ENC1: variants seen among roughly 807,000 people sequenced by gnomAD.
ENC1 encodes ectodermal-neural cortex 1.
ENC1 carries 19 observed loss-of-function variants against 40.9 expected under a neutral mutation model. That is an observed-to-expected ratio of 0.46 (90% CI 0.32 to 0.68). The LOEUF (loss-of-function observed/expected upper bound fraction) is 0.68. Ranked by LOEUF, ENC1 falls within the 30% of genes least tolerant of loss-of-function variation. The pLI, the probability that ENC1 is intolerant of heterozygous loss-of-function variation, is 0.03. For synonymous variants in ENC1, 285 were observed against 291.1 expected (o/e 0.98, Z 0.21); for missense variants, 479 against 737.5 (o/e 0.65, Z 4.06).
At chr5:74,640,031 A>G (rs1747788630) in intron 1 of ENC1, 2 of 152,234 alleles carry the variant, frequency 1.3e-5, no homozygotes, top group South Asian at 2.1e-4. Context: ...CTGTATCCTT[A>G]GCTCGGCTCC....
At chr5:74,639,491 A>G (rs1272577108) in intron 1 of ENC1, among the ~76,000 whole-genome samples, 2 of 152,218 alleles carry the variant, frequency 1.3e-5, no homozygotes, top group Non-Finnish European at 2.9e-5. Context: ...CTCTGCCTCC[A>G]ATGCTTAGCG....
intron 1 of ENC1, chr5:74,639,959 A>T (rs1747783257): frequency 6.6e-6 from 1 of 152,018 alleles, no homozygotes; most frequent in South Asian, 2.1e-4. Flanking sequence ...GGCTGCGGGG[A>T]GCGACGCAGC....
chr5:74,631,637 A>G (rs536536479), intron 2 of ENC1, among the ~76,000 whole-genome samples: 3 of 152,166 alleles, frequency 2.0e-5, no homozygotes, highest in Non-Finnish European at 4.4e-5. Flanking sequence ...TTTAGTTTTC[A>G]TGTGCTTGAC....
chr5:74,628,824 T>TAATA lies in ENC1; in HGVS notation c.*1197_*1200dup, dbSNP rs1377683244. ...TGGTTATGGCAAAGCATTCTTAGGG[T>TAATA]AATAAATAAATAAATAAACTTTGGA... On this transcript the variant is annotated 3_prime_UTR_variant, in exon 3 of 3. Transcript: ENST00000302351. 6.6e-6 allele frequency: 1 copy of TAATA among 152,100 alleles called. No homozygotes were observed. The highest frequency in any genetic ancestry group is 2.4e-5 in the African/African-American group (1 of 41,414). The allele number at this position is 152,100 out of a possible 1,614,324, so 9.4% of individuals were successfully genotyped here. A position where few individuals can be genotyped will look rare whatever the true frequency, so the allele number is the denominator to read the frequency against.
chr5:74,628,396 C>T lies in ENC1; in HGVS notation c.*1629G>A, dbSNP rs1319908349. The T allele has an allele frequency of 6.6e-6, 1 of 152,618 alleles. No individual in the cohort carries two copies. Among genetic ancestry groups the T allele is most frequent in the African/African-American group, 2.4e-5 (1 of 41,436 alleles). 9.5% of individuals were successfully genotyped at this position (152,618 alleles called of 1,614,324 possible). On this transcript the variant is annotated 3_prime_UTR_variant, in exon 3 of 3. Coordinates refer to ENST00000302351, the MANE Select transcript of ENC1 (RefSeq NM_003633.4). The stretch of plus-strand genomic sequence containing the variant: ...GTGAGAAACATGGACGAAAGCAGTT[C>T]GAGTTGCAAACTTTGGTCTTCCCCT...
At chr5:74,632,632 T>C (rs1181108905) in intron 2 of ENC1, among the ~76,000 whole-genome samples, 1 of 152,136 alleles carries the variant, frequency 6.6e-6, no homozygotes, top group Non-Finnish European at 1.5e-5. Context: ...GATGGGTGGA[T>C]CACTTGAGGT....
intron 2 of ENC1, among the ~76,000 whole-genome samples, chr5:74,630,985 C>T (rs1181062412): frequency 6.6e-6 from 1 of 152,134 alleles, no homozygotes; most frequent in East Asian, 1.9e-4. Flanking sequence ...TCAAGGCATG[C>T]CTTAGACTAC....
At chr5:74,634,649 A>T in intron 2 of ENC1, 35 bp downstream of exon 2, 1 of 990,096 alleles carries the variant, frequency 1.0e-6, no homozygotes, top group Non-Finnish European at 1.5e-6. Context: ...TAGCCTAATT[A>T]TATGCATACT....
chr5:74,634,138 G>A (rs1747487886), intron 2 of ENC1, among the ~76,000 whole-genome samples: 1 of 152,184 alleles, frequency 6.6e-6, no homozygotes, highest in Admixed American at 6.5e-5. Context: ...TCAGGGCCGG[G>A]TGCGGTGGCT....
chr5:74,639,868 G>C (rs1747774449), intron 1 of ENC1, among the ~76,000 whole-genome samples: 2 of 152,206 alleles, frequency 1.3e-5, no homozygotes. Flanking sequence ...CGCACTCAGG[G>C]TGTCTGTGCA....
In ENC1 at chr5:74,629,617, A is replaced by G. The variant is rs1319986674; in HGVS notation, c.*408T>C. 1 of 152,206 alleles carries G rather than the reference A, an allele frequency of 6.6e-6. No individual in the cohort carries two copies. The highest frequency in any genetic ancestry group is 2.4e-5 in the African/African-American group (1 of 41,448). The allele number at this position is 152,206 out of a possible 1,614,324, so 9.4% of individuals were successfully genotyped here. The stretch of plus-strand genomic sequence containing the variant: ...TGGAGGCTTCAAGCTCTGTCCTCAG[A>G]GAGAGGTGACAACCATTTCAAATTC... On this transcript the variant is annotated 3_prime_UTR_variant, in exon 3 of 3. Coordinates refer to ENST00000302351, the MANE Select transcript of ENC1 (RefSeq NM_003633.4).
At chr5:74,632,787 G>T (rs1054555197) in intron 2 of ENC1, among the ~76,000 whole-genome samples, 1 of 152,198 alleles carries the variant, frequency 6.6e-6, no homozygotes, top group Non-Finnish European at 1.5e-5. Flanking sequence ...GGAGGCGGAG[G>T]TTGCAGCGAG....
intron 2 of ENC1, among the ~76,000 whole-genome samples, chr5:74,634,071 C>G (rs571012573): frequency 2.3e-4 from 35 of 152,094 alleles, no homozygotes; most frequent in Non-Finnish European, 4.1e-4. Context: ...TGCTTGGACC[C>G]CACCCCAGAC....
rs1220269863 is a variant in ENC1 at position 74,636,368 on chromosome 5, G to A, written c.118C>T (p.Arg40Cys). ...ACGTCAGTGAAGAGACGCTGCTGGC[G>A]TAAAAGATTCAGGTGAGTGAGGACG... ...DSVLTHLNLL[R>C]QQRLFTDVLL... is the part of the protein sequence containing the mutation. Residue 40 changes from arginine (R) to cysteine (C), a missense_variant, in exon 2 of 3, where the codon CGC becomes TGC. Coordinates refer to ENST00000302351, the MANE Select transcript of ENC1 (RefSeq NM_003633.4). This position sits in a 1 kb window ranked among gnomAD's most constrained non-coding sequence, Gnocchi z 4.8. 17 of 1,614,124 alleles carry A rather than the reference G, an allele frequency of 1.1e-5. No individual in the cohort carries two copies. The highest frequency in any genetic ancestry group is 1.3e-5 in the African/African-American group (1 of 75,030).
chr5:74,639,656 A>T (rs910536481), intron 1 of ENC1, among the ~76,000 whole-genome samples: 2 of 152,208 alleles, frequency 1.3e-5, no homozygotes, highest in African/African-American at 4.8e-5. Context: ...CTTTTTATTA[A>T]CACTTGCAAC....
intron 2 of ENC1, among the ~76,000 whole-genome samples, chr5:74,633,186 T>C (rs562731772): frequency 6.6e-6 from 1 of 152,358 alleles, no homozygotes; most frequent in South Asian, 2.1e-4. Flanking sequence ...GGGCTATACT[T>C]ACACATGCCT....
rs10677661 is a variant in ENC1 at position 74,627,456 on chromosome 5, GA to G, written c.*2568del. The G allele has an allele frequency of 7.6e-3, 1,071 of 141,172 alleles. 13 individuals are homozygous for G. The highest frequency in any genetic ancestry group is 0.021 in the African/African-American group (810 of 38,868). 8.7% of individuals were successfully genotyped at this position (141,172 alleles called of 1,614,324 possible). ...TTATTGACCTTCAGTTTCACATTGT[GA>G]AAAAAAAAAAAATAACAGTTTTACA... On this transcript the variant is annotated 3_prime_UTR_variant, in exon 3 of 3. Transcript: ENST00000302351.
chr5:74,637,505 G>A (rs772619711), intron 1 of ENC1: 1 of 152,138 alleles, frequency 6.6e-6, no homozygotes, highest in Non-Finnish European at 1.5e-5. Context: ...TGTCTTGCTC[G>A]GGACAGCTTC....
intron 2 of ENC1, among the ~76,000 whole-genome samples, chr5:74,631,177 G>T (rs904227696): frequency 6.0e-5 from 9 of 148,872 alleles, no homozygotes; most frequent in East Asian, 2.0e-4. Context: ...AAAAAAAAAG[G>T]ACACACAACA....
Sources: gnomAD v4.1 joint callset for allele counts (sites outside exome capture counted in the v4.1 genomes callset) on GRCh38, gnomAD v4.1.1 for gene constraint, Gnocchi (gnomAD v3.1) non-coding constraint, MANE v1.5 for transcripts, NCBI Gene and HGNC (gene_info 2026-07-23, HGNC 2026-07-21) for gene names.